The following RREB1 variants were observed in gnomAD, a reference collection of about 807,000 sequenced individuals.
The protein encoded by RREB1 is ras-responsive element-binding protein 1.
In RREB1, 27 loss-of-function variants were observed where a neutral mutation model predicts 117.8. The observed-to-expected ratio is 0.23, with a 90% CI of 0.17 to 0.32. The LOEUF (loss-of-function observed/expected upper bound fraction) is 0.32, where lower values mean the gene tolerates loss of function less well. Among genes scored for constraint, RREB1 ranks in the 10% least tolerant of loss-of-function variants. RREB1 has a pLI of 1.00. For synonymous variants in RREB1, 1,298 were observed against 1,026.7 expected (o/e 1.26, Z -5.05); for missense variants, 2,577 against 2,378.2 (o/e 1.08, Z -1.74).
chr6:7,217,801 A>G (rs1766992859), intron 8 of RREB1: 1 of 152,208 alleles, frequency 6.6e-6, no homozygotes, highest in Non-Finnish European at 1.5e-5. Flanking sequence ...TAAACCTTCC[A>G]ACATTTACAG....
At chr6:7,145,962 C>G (rs1289860045) in intron 1 of RREB1, among the ~76,000 whole-genome samples, 1 of 132,038 alleles carries the variant, frequency 7.6e-6, no homozygotes, top group South Asian at 2.2e-4. Context: ...AAAGCCAGTG[C>G]CTTCCTCTCT....
At chr6:7,157,917 A>G (rs912737059) in intron 1 of RREB1, among the ~76,000 whole-genome samples, 1 of 151,984 alleles carries the variant, frequency 6.6e-6, no homozygotes, top group Non-Finnish European at 1.5e-5. Flanking sequence ...TGGGGACCTC[A>G]TCCTTGCCAG....
At position 7,113,027 on chromosome 6, in the gene RREB1, G is replaced by A. The variant is rs372378272; in HGVS notation, c.-285+4967G>A. Among the ~76,000 whole-genome samples the A allele has an allele frequency of 2.3e-4, 35 of 152,366 alleles. No individual in the cohort carries two copies. The East Asian group carries it at 6.4e-3, about 28-fold the overall frequency. ...AGTCTGCCCATCAGTAGAGGTGGCT[G>A]ACTGTGAGTAGGTGCTTCAGACGAA... On this transcript the variant is annotated intron_variant, in intron 1 of 12. Coordinates refer to ENST00000379938, the MANE Select transcript of RREB1 (RefSeq NM_001003699.4).
At chr6:7,199,335 T>C (rs536896724) in intron 6 of RREB1, among the ~76,000 whole-genome samples, 3 of 152,330 alleles carry the variant, frequency 2.0e-5, no homozygotes, top group East Asian at 1.9e-4. Context: ...GCTCAACAAA[T>C]TGTAGTTCAA....
chr6:7,150,929 C>T (rs567129237), intron 1 of RREB1, among the ~76,000 whole-genome samples: 1 of 152,310 alleles, frequency 6.6e-6, no homozygotes, highest in African/African-American at 2.4e-5. Flanking sequence ...CCAGGAGGTG[C>T]AGTGAGCGAA....
intron 10 of RREB1, among the ~76,000 whole-genome samples, chr6:7,234,965 A>C (rs968260755): frequency 6.6e-6 from 1 of 152,228 alleles, no homozygotes; most frequent in African/African-American, 2.4e-5. Flanking sequence ...ACATGTCCAC[A>C]TTGCAGAAGG....
chr6:7,129,511 C>G (rs1762068421), intron 1 of RREB1, among the ~76,000 whole-genome samples: 1 of 152,292 alleles, frequency 6.6e-6, no homozygotes, highest in African/African-American at 2.4e-5. Flanking sequence ...GCTTTTTGGC[C>G]TGAGGCAGAG....
At position 7,230,558 on chromosome 6, in the gene RREB1, A is replaced by G. The variant is rs1767874125; in HGVS notation, c.2459A>G (p.Asp820Gly). 1 of 1,600,950 alleles carries G rather than the reference A, an allele frequency of 6.2e-7. No homozygotes were observed. ...LKQHLHVPEQ[D>G]IESYVLAADG... ...CAGCACCTGCACGTGCCCGAGCAGGACATCGAGAGCTACGTGCTGGCCGCC... is the reference window on the plus strand; with the variant it reads ...CAGCACCTGCACGTGCCCGAGCAGGGCATCGAGAGCTACGTGCTGGCCGCC... The change falls in exon 10 of 13, where the codon GAC becomes GGC. Residue 820 changes from aspartate (D) to glycine (G), a missense_variant. Asp to Gly is a moderately conservative substitution (Grantham distance 94). Coordinates refer to ENST00000379938, the MANE Select transcript of RREB1 (RefSeq NM_001003699.4).
In RREB1 at chr6:7,242,727, G is replaced by A. The variant is rs916934648; in HGVS notation, c.3973+2125G>A. Among the ~76,000 whole-genome samples, 9 of 149,680 alleles carry A rather than the reference G, an allele frequency of 6.0e-5. No homozygotes were observed. The South Asian group carries it at 6.4e-4, about 11-fold the overall frequency. On this transcript the variant is annotated intron_variant, in intron 11 of 12. Coordinates refer to ENST00000379938, the MANE Select transcript of RREB1 (RefSeq NM_001003699.4). ...GGGGGGGGGGAAGGAAATGACCAAG[G>A]AGGTCCTTGAGGGGTTTTCTAGGCT...
intron 1 of RREB1, among the ~76,000 whole-genome samples, chr6:7,161,800 C>T (rs1314778318): frequency 6.6e-6 from 1 of 152,220 alleles, no homozygotes; most frequent in Admixed American, 6.5e-5. Flanking sequence ...TCCTTCTCTA[C>T]AGCATTGCTT....
chr6:7,244,559 A>G (rs900157599), intron 11 of RREB1, among the ~76,000 whole-genome samples: 2 of 152,222 alleles, frequency 1.3e-5, no homozygotes, highest in Admixed American at 6.5e-5. Flanking sequence ...TGTGGCCCAG[A>G]CATTGGTGTG....
In RREB1 at chr6:7,189,205, G is replaced by A; in HGVS notation, c.308G>A (p.Gly103Glu). 1 of 1,613,774 alleles carries A rather than the reference G, an allele frequency of 6.2e-7. No individual in the cohort carries two copies. The highest frequency in any genetic ancestry group is 8.5e-7 in the Non-Finnish European group (1 of 1,179,976). ...GCCGACCACTCATGCAGCATCTGCGGAAAGTCACTGAGCTCGGCCAGCTCC... is the reference window on the plus strand; with the variant it reads ...GCCGACCACTCATGCAGCATCTGCGAAAAGTCACTGAGCTCGGCCAGCTCC... The part of the protein sequence containing the change: ...GGADHSCSIC[G>E]KSLSSASSLD... Residue 103 changes from glycine (G) to glutamate (E), a missense_variant, in exon 6 of 13, where the codon GGA becomes GAA. Coordinates refer to ENST00000379938, the MANE Select transcript of RREB1 (RefSeq NM_001003699.4).
chr6:7,195,575 A>G (rs1358121711), intron 6 of RREB1, among the ~76,000 whole-genome samples: 7 of 152,214 alleles, frequency 4.6e-5, no homozygotes, highest in Non-Finnish European at 1.0e-4. Flanking sequence ...CCAGGTCCTG[A>G]GAAGTATGAA....
intron 1 of RREB1, among the ~76,000 whole-genome samples, chr6:7,152,980 A>G (rs765962870): frequency 4.6e-5 from 7 of 151,786 alleles, no homozygotes; most frequent in Non-Finnish European, 5.9e-5. Flanking sequence ...CCTCTCCCCA[A>G]TTCTTTTAAT....
intron 1 of RREB1, chr6:7,140,667 C>T (rs1762524523): frequency 6.6e-6 from 1 of 152,262 alleles, no homozygotes; most frequent in Admixed American, 6.5e-5. Context: ...CGCTGGTCCT[C>T]GCCTTTTACT....
chr6:7,241,712 C>T (rs943730584), intron 11 of RREB1, among the ~76,000 whole-genome samples: 3 of 152,180 alleles, frequency 2.0e-5, no homozygotes, highest in African/African-American at 7.2e-5. Flanking sequence ...CTTTGCCCAT[C>T]TCTACGCCTC....
chr6:7,142,655 G>A (rs1245095347), intron 1 of RREB1, among the ~76,000 whole-genome samples: 1 of 152,222 alleles, frequency 6.6e-6, no homozygotes, highest in Non-Finnish European at 1.5e-5. Context: ...TGTGATGGGC[G>A]GAGCCACGTG....
intron 1 of RREB1, among the ~76,000 whole-genome samples, chr6:7,118,822 T>C (rs2113304383): frequency 7.0e-6 from 1 of 142,568 alleles, no homozygotes; most frequent in East Asian, 2.0e-4. Context: ...TTTTTTTTTT[T>C]TTTTTTTTTA....
At chr6:7,169,300 G>C (rs928903542) in intron 1 of RREB1, among the ~76,000 whole-genome samples, 3 of 152,210 alleles carry the variant, frequency 2.0e-5, no homozygotes, top group African/African-American at 7.2e-5. Flanking sequence ...CCTTGCCCTG[G>C]GGGTAGGTGA....
Sources: gnomAD v4.1 joint callset for allele counts (sites outside exome capture counted in the v4.1 genomes callset) on GRCh38, gnomAD v4.1.1 for gene constraint, MANE v1.5 for transcripts, NCBI Gene and HGNC (gene_info 2026-07-23, HGNC 2026-07-21) for gene names.